KLHL13: variants seen among roughly 807,000 people sequenced by gnomAD.
The protein encoded by KLHL13 is kelch like family member 13.
KLHL13 carries 10 observed loss-of-function variants against 37.1 expected under a neutral mutation model. The ratio of observed to expected loss-of-function variants is 0.27; its 90% CI spans 0.17 to 0.46. The LOEUF is 0.46. KLHL13 is among the 20% of genes least tolerant of loss of function. The pLI, the probability that KLHL13 is intolerant of heterozygous loss-of-function variation, is 1.00. For synonymous variants in KLHL13, 163 were observed against 181.2 expected, an observed-to-expected ratio of 0.90 and a Z score of 0.81; for missense variants, 360 against 509.3, an observed-to-expected ratio of 0.71 and a Z score of 2.82.
intron 1 of KLHL13, among the ~76,000 whole-genome samples, chrX:117,965,112 A>C (rs1239156479): frequency 5.4e-5 from 6 of 111,699 alleles, no homozygotes; most frequent in Admixed American, 9.5e-5. Context: ...CAGTAATGGG[A>C]TGGGTGGGTC....
In KLHL13 at chrX:118,116,209, T is replaced by A. The variant is rs1206460828; in HGVS notation, c.-56+299A>T. ...CAACAGCGAGGCCCAGAGGAGAAGA[T>A]CTTGGAGAGATGACAAAGAAGCACA... On this transcript the variant is annotated intron_variant, in intron 1 of 6. Coordinates refer to the KLHL13 transcript ENST00000371882. Among the ~76,000 whole-genome samples the A allele has an allele frequency of 3.6e-5, 4 of 110,743 alleles. 1 individual carries two copies. The highest frequency in any genetic ancestry group is 1.9e-4 in the Admixed American group (2 of 10,538).
At chrX:117,937,573 T>C (rs985776127) in intron 2 of KLHL13, among the ~76,000 whole-genome samples, 2 of 111,559 alleles carry the variant, frequency 1.8e-5, no homozygotes, top group African/African-American at 6.5e-5. Flanking sequence ...TTAAACATTA[T>C]AGGATTTTAC....
At chrX:118,050,457 T>C (rs2054601896) in intron 1 of KLHL13, among the ~76,000 whole-genome samples, 1 of 111,990 alleles carries the variant, frequency 8.9e-6, no homozygotes, top group Admixed American at 9.5e-5. Flanking sequence ...CTTAGCTGTC[T>C]TTATTTCTTT....
intron 1 of KLHL13, among the ~76,000 whole-genome samples, chrX:117,997,226 C>CACA (rs780030064): frequency 6.1e-4 from 65 of 106,146 alleles, no homozygotes; most frequent in Non-Finnish European, 1.2e-3. Context: ...AGCCTACTGA[C>CACA]ACACTCTCTT....
chrX:118,022,847 T>A (rs2054234500), intron 1 of KLHL13, among the ~76,000 whole-genome samples: 1 of 111,530 alleles, frequency 9.0e-6, no homozygotes, highest in Non-Finnish European at 1.9e-5. Context: ...AGTCCCAACT[T>A]GTTTATTTTT....
At chrX:118,040,984 G>A (rs2054501225) in intron 1 of KLHL13, among the ~76,000 whole-genome samples, 1 of 111,909 alleles carries the variant, frequency 8.9e-6, no homozygotes, top group African/African-American at 3.3e-5. Flanking sequence ...TTTCAAACAT[G>A]AAGGAGAAAT....
chrX:118,000,508 C>A (rs952034048), intron 1 of KLHL13, among the ~76,000 whole-genome samples: 11 of 111,870 alleles, frequency 9.8e-5, no homozygotes, highest in African/African-American at 3.3e-4. Context: ...CAATAGCTTT[C>A]AAGAGCTGTT....
intron 1 of KLHL13, among the ~76,000 whole-genome samples, chrX:118,046,165 A>G (rs1404164335): frequency 8.9e-6 from 1 of 112,815 alleles, no homozygotes; most frequent in Non-Finnish European, 1.9e-5. Context: ...ATGAATGGAT[A>G]AAGAAGATGT....
intron 1 of KLHL13, among the ~76,000 whole-genome samples, chrX:118,065,322 C>T (rs1421276555): frequency 1.8e-5 from 2 of 110,987 alleles, no homozygotes; most frequent in Non-Finnish European, 3.8e-5. Context: ...TAAATGTATA[C>T]CAACCAGCAT....
intron 1 of KLHL13, among the ~76,000 whole-genome samples, chrX:118,110,367 A>AT (rs2055395460): frequency 1.1e-5 from 1 of 88,754 alleles, no homozygotes. Flanking sequence ...CTACTTTTCT[A>AT]TTTCTTTTTC....
chrX:117,992,577 C>G (rs2053806965), intron 1 of KLHL13, among the ~76,000 whole-genome samples: 1 of 109,053 alleles, frequency 9.2e-6, no homozygotes. Flanking sequence ...GGTCTCTTCT[C>G]TGTTTTGCTA....
rs199622195 is a variant in KLHL13 at position 117,909,666 on chromosome X, G to A, written c.1001C>T (p.Ala334Val). The change falls in exon 5 of 7, where the codon GCC becomes GTC. Residue 334 changes from alanine to valine, a missense_variant. By Grantham distance (64) the Ala-to-Val change is moderately conservative. Coordinates refer to ENST00000262820, the Ensembl canonical transcript of KLHL13. ...CAAGTGAGTGGTGTCAGACCTAATG[G>A]CAGTCCTGTCTGACTGCATAACTGG... The A allele has an allele frequency of 3.6e-4, 434 of 1,209,835 alleles. No homozygotes were observed. The South Asian group carries it at 7.0e-3, about 20-fold the overall frequency.
At chrX:117,951,229 T>C (rs750073989) in intron 1 of KLHL13, among the ~76,000 whole-genome samples, 365 of 111,629 alleles carry the variant, frequency 3.3e-3, no homozygotes, top group Non-Finnish European at 5.3e-3. Flanking sequence ...CTAATGTATA[T>C]AAAATAAGCC....
rs760924118 is a variant in KLHL13 at position 117,982,295 on chromosome X, T to A, written c.-55-36720A>T. Among the ~76,000 whole-genome samples, 6 of 111,564 alleles carry A rather than the reference T, an allele frequency of 5.4e-5. No individual in the cohort carries two copies. The South Asian group carries it at 2.2e-3, about 42-fold the overall frequency. On this transcript the variant is annotated intron_variant, in intron 1 of 6. Coordinates refer to the KLHL13 transcript ENST00000371882. ...ACAACTGGGAGATGTTATTAAAATATCAAAACTCACTTATTTTTCACCTTT... is the reference window on the plus strand; with the variant it reads ...ACAACTGGGAGATGTTATTAAAATAACAAAACTCACTTATTTTTCACCTTT...
chrX:117,982,901 C>T (rs142488906), intron 1 of KLHL13, among the ~76,000 whole-genome samples: 1,315 of 111,822 alleles, frequency 0.012, 19 homozygotes, highest in African/African-American at 0.04. Flanking sequence ...CATTATCTTG[C>T]CCTCCCACAC....
intron 1 of KLHL13, among the ~76,000 whole-genome samples, chrX:118,054,054 T>C (rs929914067): frequency 3.6e-5 from 4 of 111,227 alleles, no homozygotes; most frequent in Non-Finnish European, 7.5e-5. Flanking sequence ...TGGAAATCTA[T>C]AGATAAATTG....
chrX:117,958,216 C>T (rs1006298098), intron 1 of KLHL13, among the ~76,000 whole-genome samples: 2 of 111,555 alleles, frequency 1.8e-5, no homozygotes, highest in Admixed American at 1.9e-4. Context: ...TACCAAATTC[C>T]ATATACACTA....
intron 1 of KLHL13, among the ~76,000 whole-genome samples, chrX:118,099,474 G>GGT (rs2055257905): frequency 9.0e-6 from 1 of 111,407 alleles, no homozygotes; most frequent in African/African-American, 3.3e-5. Flanking sequence ...GCCAGCCATG[G>GGT]GTTAAAGCCA....
chrX:117,982,885 T>C (rs2053679427), intron 1 of KLHL13, among the ~76,000 whole-genome samples: 1 of 111,858 alleles, frequency 8.9e-6, no homozygotes, highest in Admixed American at 9.5e-5. Flanking sequence ...TAGCAAACTG[T>C]ACATCCATTA....
Sources: allele counts gnomAD v4.1 joint callset (sites outside exome capture counted in the v4.1 genomes callset), GRCh38; gene constraint gnomAD v4.1.1; transcripts MANE v1.5; gene names NCBI Gene and HGNC (gene_info 2026-07-23, HGNC 2026-07-21).